The following ZZEF1 variants were observed in gnomAD, a reference collection of about 807,000 sequenced individuals.
ZZEF1 encodes zinc finger ZZ-type and EF-hand domain containing 1.
In ZZEF1, 157 loss-of-function variants were observed where a neutral mutation model predicts 342.8. The ratio of observed to expected loss-of-function variants is 0.46; its 90% CI spans 0.40 to 0.52. The LOEUF (loss-of-function observed/expected upper bound fraction) is 0.52. Ranked by LOEUF, ZZEF1 falls within the 20% of genes least tolerant of loss-of-function variation. ZZEF1 has a pLI of 0.00. For missense variants in ZZEF1, 3,480 were observed against 3,725.6 expected, an observed-to-expected ratio of 0.93 and a Z score of 1.72; for synonymous variants, 1,505 against 1,429.1, an observed-to-expected ratio of 1.05 and a Z score of -1.20.
chr17:4,011,702 T>A (rs920856556), intron 52 of ZZEF1, among the ~76,000 whole-genome samples: 5 of 152,092 alleles, frequency 3.3e-5, no homozygotes, highest in Non-Finnish European at 4.4e-5. Flanking sequence ...TTGCTTTTTT[T>A]TAAAAAAAAT....
chr17:4,047,981 T>TA (rs984880339), intron 37 of ZZEF1, among the ~76,000 whole-genome samples: 20 of 151,754 alleles, frequency 1.3e-4, no homozygotes, highest in African/African-American at 3.4e-4. Flanking sequence ...TCCATTGAAT[T>TA]AAAAAAAACC....
intron 4 of ZZEF1, among the ~76,000 whole-genome samples, chr17:4,113,548 C>T (rs2058347683): frequency 6.6e-6 from 1 of 151,954 alleles, no homozygotes; most frequent in African/African-American, 2.4e-5. Context: ...AGCTTTAATC[C>T]CAGCCACCCA....
intron 1 of ZZEF1, among the ~76,000 whole-genome samples, chr17:4,138,708 C>T (rs1349609965): frequency 6.6e-6 from 1 of 152,180 alleles, no homozygotes; most frequent in Non-Finnish European, 1.5e-5. Context: ...CACTTTAGGG[C>T]CATCTGTTAT....
chr17:4,050,910 G>A lies in ZZEF1; in HGVS notation c.5734C>T (p.His1912Tyr), dbSNP rs1443309010. The A allele has an allele frequency of 1.1e-5, 17 of 1,614,102 alleles. No homozygotes were observed. Among genetic ancestry groups the A allele is most frequent in the African/African-American group, 4.0e-5 (3 of 74,928 alleles). Reference protein sequence around the residue: ...LFAALALYSAHLASAEDVDGE... With the variant: ...LFAALALYSAYLASAEDVDGE... ...TCCACATCCTCTGCACTGGCCAGGT[G>A]GGCGCTATAGAGAGCCAGGGCAGCA... The change falls in exon 36 of 55, where the codon CAC becomes TAC. Residue 1912 changes from histidine (H) to tyrosine (Y), a missense_variant. By Grantham distance (83) the His-to-Tyr change is moderately conservative. This residue lies in a region of ZZEF1 where 1,269 missense variants were observed against 1,342.4 expected (regional missense o/e 0.95). Transcript: ENST00000381638.
In ZZEF1 at chr17:4,104,681, G is replaced by C. The variant is rs1374974381; in HGVS notation, c.1525C>G (p.Leu509Val). 5 of 1,614,130 alleles carry C rather than the reference G, an allele frequency of 3.1e-6. No individual in the cohort carries two copies. The highest frequency in any genetic ancestry group is 2.5e-6 in the Non-Finnish European group (3 of 1,180,008). Reference sequence around the variant, plus strand: ...CTGACTGACGCCATGGACAAGATGAGGGATGAGGCATCATACTGCGTGTCC... The same window carrying C: ...CTGACTGACGCCATGGACAAGATGACGGATGAGGCATCATACTGCGTGTCC... ...HLDTQYDASS[L>V]ILSMASVRQN... The change falls in exon 8 of 55, where the codon CTC (leucine) becomes GTC (valine). Residue 509 changes from leucine (L) to valine (V), a missense_variant. Around this residue, in one of 5 missense-constraint regions of ZZEF1, gnomAD observed 1,528 missense variants for 1,624.1 expected, o/e 0.94. Coordinates refer to ENST00000381638, the MANE Select transcript of ZZEF1 (RefSeq NM_015113.4).
intron 45 of ZZEF1, among the ~76,000 whole-genome samples, 184 bp downstream of exon 45, chr17:4,020,945 T>C (rs2056252975): frequency 1.3e-5 from 2 of 152,234 alleles, no homozygotes; most frequent in Admixed American, 6.5e-5. Context: ...TAAGAACTAT[T>C]GTTGTGGGGC....
intron 5 of ZZEF1, 29 bp downstream of exon 5, chr17:4,112,580 C>T (rs1225492633): frequency 4.3e-6 from 7 of 1,612,332 alleles, no homozygotes; most frequent in Non-Finnish European, 5.1e-6. Flanking sequence ...CCTTGCTTTT[C>T]CCTATCCCCT....
chr17:4,028,405 G>T (rs1187397634), intron 42 of ZZEF1, among the ~76,000 whole-genome samples: 1 of 151,970 alleles, frequency 6.6e-6, no homozygotes, highest in African/African-American at 2.4e-5. Context: ...AAAATTAGCT[G>T]GATGTAGTGG....
chr17:4,044,482 T>G, intron 37 of ZZEF1, 108 bp from the exon 38 acceptor site: 1 of 953,928 alleles, frequency 1.0e-6, no homozygotes, highest in African/African-American at 1.7e-5. Context: ...TAAAAAACTT[T>G]TGAATGCCAT....
intron 6 of ZZEF1, among the ~76,000 whole-genome samples, chr17:4,107,043 G>A (rs1441911880): frequency 6.6e-6 from 1 of 152,160 alleles, no homozygotes; most frequent in Non-Finnish European, 1.5e-5. Context: ...GATCAGTGAG[G>A]TTTAATGCAC....
Position 4,005,562 on chromosome 17 carries a change from T to C in ZZEF1, c.*1328A>G, listed in dbSNP as rs921993372. On this transcript the variant is annotated 3_prime_UTR_variant, in exon 55 of 55. Transcript: ENST00000381638. ...GACCCAGAAGGCGAAAGTGCTCTTA[T>C]AGGAAGATGCTTCCAGACCTGCAGA... is the stretch of plus-strand genomic sequence containing the variant. 6.6e-6 allele frequency: 1 copy of C among 152,490 alleles called. No individual in the cohort carries two copies. Among genetic ancestry groups the C allele is most frequent in the Non-Finnish European group, 1.5e-5 (1 of 68,256 alleles). 9.4% of individuals were successfully genotyped at this position (152,490 alleles called of 1,614,324 possible).
At chr17:4,037,321 G>A (rs1219602964) in intron 39 of ZZEF1, among the ~76,000 whole-genome samples, 1 of 152,162 alleles carries the variant, frequency 6.6e-6, no homozygotes, top group South Asian at 2.1e-4. Flanking sequence ...AATGAAATAC[G>A]TCAAAACTGT....
At chr17:4,117,662 A>AAAAAAG (rs2058419824) in intron 2 of ZZEF1, among the ~76,000 whole-genome samples, 1 of 151,830 alleles carries the variant, frequency 6.6e-6, no homozygotes, top group African/African-American at 2.4e-5. Flanking sequence ...AAAAAAAAAA[A>AAAAAAG]AAAAAAGAAT....
intron 46 of ZZEF1, among the ~76,000 whole-genome samples, chr17:4,018,706 G>C (rs1597763027): frequency 6.6e-6 from 1 of 152,186 alleles, no homozygotes; most frequent in African/African-American, 2.4e-5. Context: ...CTGAGTTTTA[G>C]CAAGAGCCAC....
chr17:4,134,443 A>G (rs1299910117), intron 1 of ZZEF1, among the ~76,000 whole-genome samples: 6 of 151,282 alleles, frequency 4.0e-5, no homozygotes, highest in South Asian at 4.2e-4. Context: ...TAGGGCACAC[A>G]GTCCTTTCCC....
intron 26 of ZZEF1, among the ~76,000 whole-genome samples, chr17:4,067,697 C>T (rs1400745419): frequency 6.6e-6 from 1 of 152,084 alleles, no homozygotes; most frequent in Non-Finnish European, 1.5e-5. Flanking sequence ...GCAGCTCATG[C>T]TTATAATCCC....
chr17:4,092,621 T>C (rs2057966299), intron 11 of ZZEF1, among the ~76,000 whole-genome samples: 1 of 152,180 alleles, frequency 6.6e-6, no homozygotes, highest in Non-Finnish European at 1.5e-5. Context: ...ATGTCCCTTC[T>C]TAACATAAGT....
chr17:4,133,894 A>G (rs1027291693), intron 1 of ZZEF1, among the ~76,000 whole-genome samples: 23 of 152,028 alleles, frequency 1.5e-4, no homozygotes, highest in African/African-American at 5.5e-4. Flanking sequence ...TTGTAGAAAC[A>G]AAGTCTCACT....
At chr17:4,100,348 A>C (rs1016742092) in intron 9 of ZZEF1, among the ~76,000 whole-genome samples, 2 of 152,208 alleles carry the variant, frequency 1.3e-5, no homozygotes, top group African/African-American at 4.8e-5. Context: ...GGAGGAACCC[A>C]GTGCTCCCCA....
Sources: allele counts gnomAD v4.1 joint callset (sites outside exome capture counted in the v4.1 genomes callset), GRCh38; gene constraint gnomAD v4.1.1; regional missense constraint gnomAD v4.1.1; transcripts MANE v1.5; gene names NCBI Gene and HGNC (gene_info 2026-07-23, HGNC 2026-07-21).